Variants in KLHL7 observed in about 807,000 individuals in gnomAD.
The protein encoded by KLHL7 is kelch-like protein 7.
A neutral mutation model predicts 67.4 loss-of-function variants in KLHL7; 44 were observed. The observed-to-expected ratio is 0.65, with a 90% confidence interval of 0.51 to 0.84. The LOEUF is 0.84. Among genes scored for constraint, KLHL7 ranks in the 40% least tolerant of loss-of-function variants. The pLI is 0.00. For synonymous variants in KLHL7, 252 were observed against 243.3 expected, an observed-to-expected ratio of 1.04 and a Z score of -0.33; for missense variants, 362 against 718.1, an observed-to-expected ratio of 0.50 and a Z score of 5.67.
At chr7:23,137,836 G>A (rs1784035123) in intron 4 of KLHL7, among the ~76,000 whole-genome samples, 1 of 129,842 alleles carries the variant, frequency 7.7e-6, no homozygotes, top group Admixed American at 9.2e-5. Flanking sequence ...TAAAATGCTG[G>A]GATTACAGGC....
At chr7:23,109,248 A>T (rs1583629788) in intron 1 of KLHL7, among the ~76,000 whole-genome samples, 2 of 152,168 alleles carry the variant, frequency 1.3e-5, no homozygotes, top group African/African-American at 4.8e-5. Context: ...GGTGTATAGG[A>T]GCATCTTATT....
In KLHL7 at chr7:23,146,667, T is replaced by TTCTTCTTCTTC. The variant is rs61573730; in HGVS notation, c.793+2643_793+2644insCTTCTTCTTCT. Among the ~76,000 whole-genome samples, 310 of 71,620 alleles carry TTCTTCTTCTTC rather than the reference T, an allele frequency of 4.3e-3. 2 individuals carry two copies. The highest frequency in any genetic ancestry group is 0.011 in the African/African-American group (245 of 21,798). 47.0% of individuals were successfully genotyped at this position (71,620 alleles called of 152,430 possible). On this transcript the variant is annotated intron_variant, in intron 6 of 10. Coordinates refer to ENST00000339077, the MANE Select transcript of KLHL7 (RefSeq NM_001031710.3). Reference sequence around the variant, plus strand: ...GTTCTTCTTCTTCTTCTTCTTCTTCTTTTTTTTTTAATTTTAAGGCTATAT... The same window carrying TTCTTCTTCTTC: ...GTTCTTCTTCTTCTTCTTCTTCTTCTTCTTCTTCTTCTTTTTTTTTAATTTTAAGGCTATAT...
At chr7:23,149,354 C>T (rs1784460201) in intron 6 of KLHL7, among the ~76,000 whole-genome samples, 1 of 152,188 alleles carries the variant, frequency 6.6e-6, no homozygotes. Flanking sequence ...TCCAGTGTGT[C>T]AGCACAGTTG....
intron 1 of KLHL7, chr7:23,106,547 A>G (rs746572864): frequency 5.0e-5 from 53 of 1,065,982 alleles, no homozygotes; most frequent in Non-Finnish European, 5.8e-5. Flanking sequence ...GAAGCCCCCA[A>G]AGGGAGGAGA....
intron 1 of KLHL7, among the ~76,000 whole-genome samples, chr7:23,112,532 A>G (rs1782918014): frequency 6.6e-6 from 1 of 152,260 alleles, no homozygotes. Context: ...CACCAGAAGA[A>G]TAGGAGAAAA....
Position 23,174,077 on chromosome 7 carries a change from A to G in KLHL7, c.1540A>G (p.Met514Val). 3 of 1,614,162 alleles carry G rather than the reference A, an allele frequency of 1.9e-6. No individual in the cohort carries two copies. Among genetic ancestry groups the G allele is most frequent in the Non-Finnish European group, 2.5e-6 (3 of 1,179,976 alleles). The change falls in exon 11 of 11, where the codon ATG (methionine) becomes GTG (valine). Residue 514 changes from methionine to valine, a missense_variant. Transcript: ENST00000339077. ...KLNEWKMVSPMPWKGVTVKCA... is the reference protein window; with the variant it reads ...KLNEWKMVSPVPWKGVTVKCA... ...GAACGAATGGAAGATGGTCTCACCAATGCCATGGAAGGGTGTAACAGTGAA... is the reference window on the plus strand; with the variant it reads ...GAACGAATGGAAGATGGTCTCACCAGTGCCATGGAAGGGTGTAACAGTGAA...
At chr7:23,106,178 T>C in intron 1 of KLHL7, 32 bp downstream of exon 1, 1 of 1,604,518 alleles carries the variant, frequency 6.2e-7, no homozygotes, top group Non-Finnish European at 8.5e-7. Context: ...CGGACGACGG[T>C]GGGAGGTGGT....
intron 1 of KLHL7, among the ~76,000 whole-genome samples, chr7:23,110,506 A>G (rs1429923004): frequency 6.6e-6 from 1 of 152,094 alleles, no homozygotes; most frequent in Non-Finnish European, 1.5e-5. Flanking sequence ...TTTGAACCAA[A>G]CAACCAGCAA....
intron 10 of KLHL7, among the ~76,000 whole-genome samples, chr7:23,173,375 C>T (rs901165409): frequency 1.3e-5 from 2 of 152,094 alleles, no homozygotes; most frequent in African/African-American, 4.8e-5. Context: ...CCTTTAAAAA[C>T]TTTTTAAATA....
chr7:23,135,804 C>A (rs965371995), intron 4 of KLHL7, among the ~76,000 whole-genome samples: 1 of 152,074 alleles, frequency 6.6e-6, no homozygotes, highest in Non-Finnish European at 1.5e-5. Context: ...GAAAGAATAT[C>A]AATATAAAAG....
At chr7:23,147,356 C>G (rs1376380398) in intron 6 of KLHL7, among the ~76,000 whole-genome samples, 1 of 152,168 alleles carries the variant, frequency 6.6e-6, no homozygotes, top group African/African-American at 2.4e-5. Context: ...TCCCAAAGTG[C>G]TGGGATTACA....
chr7:23,170,107 A>T (rs1562593784), intron 9 of KLHL7, among the ~76,000 whole-genome samples: 1 of 152,166 alleles, frequency 6.6e-6, no homozygotes, highest in Admixed American at 6.5e-5. Context: ...CCAGCTATTC[A>T]GGAGGCTGAG....
chr7:23,125,610 C>T (rs1444414069), intron 4 of KLHL7: 3 of 916,264 alleles, frequency 3.3e-6, no homozygotes, highest in Non-Finnish European at 4.6e-6. Context: ...TAATCTAATT[C>T]TTAGCTACTA....
Position 23,116,309 on chromosome 7 carries a change from A to G in KLHL7, c.121-7468A>G, listed in dbSNP as rs79372317. 3.0e-3 allele frequency among the ~76,000 whole-genome samples: 464 copies of G among 152,312 alleles called. 1 individual carries two copies. The highest frequency in any genetic ancestry group is 0.011 in the African/African-American group (439 of 41,574). Reference sequence around the variant, plus strand: ...GGCCCGTGGTCCCACAGGGACCACTATGGCCCTTACAGCATGCTCCTCAAA... The same window carrying G: ...GGCCCGTGGTCCCACAGGGACCACTGTGGCCCTTACAGCATGCTCCTCAAA... On this transcript the variant is annotated intron_variant, in intron 1 of 10. Coordinates refer to ENST00000339077, the MANE Select transcript of KLHL7 (RefSeq NM_001031710.3).
chr7:23,144,612 T>A (rs1784298282), intron 6 of KLHL7, among the ~76,000 whole-genome samples: 1 of 152,160 alleles, frequency 6.6e-6, no homozygotes, highest in African/African-American at 2.4e-5. Context: ...GTCCTAGGGT[T>A]TCCTTCTGCA....
chr7:23,142,682 A>G (rs1024022116), intron 5 of KLHL7, among the ~76,000 whole-genome samples: 5 of 152,028 alleles, frequency 3.3e-5, no homozygotes, highest in African/African-American at 1.2e-4. Context: ...ACCTCAGTCT[A>G]ATAAGTAACA....
At chr7:23,153,886 G>A (rs1264019001) in intron 7 of KLHL7, among the ~76,000 whole-genome samples, 1 of 152,184 alleles carries the variant, frequency 6.6e-6, no homozygotes, top group Non-Finnish European at 1.5e-5. Flanking sequence ...TCAGCAAGCT[G>A]TCCATTTTCA....
In KLHL7 at chr7:23,167,157, C is replaced by T. The variant is rs567653353; in HGVS notation, c.1178-679C>T. 4.0e-5 allele frequency among the ~76,000 whole-genome samples: 6 copies of T among 151,480 alleles called. No individual in the cohort carries two copies. In the South Asian group the frequency reaches 8.3e-4, roughly 21 times the overall value. On this transcript the variant is annotated intron_variant, in intron 8 of 10. Coordinates refer to ENST00000339077, the MANE Select transcript of KLHL7 (RefSeq NM_001031710.3). Reference sequence around the variant, plus strand: ...GGAAGGAAAAAAAAAAGCACTTAAACTTTAATAGTATCATTTCTAAAATTT... The same window carrying T: ...GGAAGGAAAAAAAAAAGCACTTAAATTTTAATAGTATCATTTCTAAAATTT...
rs370762489 is a variant in KLHL7 at position 23,117,714 on chromosome 7, C to CTT, written c.121-6059_121-6058dup. On this transcript the variant is annotated intron_variant, in intron 1 of 10. Coordinates refer to ENST00000339077, the MANE Select transcript of KLHL7 (RefSeq NM_001031710.3). The stretch of plus-strand genomic sequence containing the variant: ...TGACAAATGTGATTTCTAGAGAAGT[C>CTT]TTTTTAATGTTTCTTAGCCTTTGCA... 2,681 of 944,904 alleles carry CTT rather than the reference C, an allele frequency of 2.8e-3. 63 individuals carry two copies. In the African/African-American group the frequency reaches 0.038, roughly 13 times the overall value. 58.5% of individuals were successfully genotyped at this position (944,904 alleles called of 1,614,324 possible).
Sources: allele counts gnomAD v4.1 joint callset (sites outside exome capture counted in the v4.1 genomes callset), GRCh38; gene constraint gnomAD v4.1.1; transcripts MANE v1.5; gene names NCBI Gene and HGNC (gene_info 2026-07-23, HGNC 2026-07-21).